PSD2: variants seen among roughly 807,000 people sequenced by gnomAD.
PSD2 encodes the protein PH and SEC7 domain-containing protein 2.
Under a neutral mutation model 69.8 loss-of-function variants are expected in PSD2, and 38 were observed. The ratio of observed to expected loss-of-function variants is 0.54; its 90% CI spans 0.42 to 0.71. PSD2 has a LOEUF of 0.71. Among genes scored for constraint, PSD2 ranks in the 30% least tolerant of loss-of-function variants. PSD2 has a pLI of 0.00. For missense variants in PSD2, 943 were observed against 1,014.5 expected (o/e 0.93, Z 0.96); for synonymous variants, 412 against 423.0 (o/e 0.97, Z 0.32).
chr5:139,821,861 A>T, intron 5 of PSD2, 32 bp from the exon 6 acceptor site: 1 of 1,388,588 alleles, frequency 7.2e-7, no homozygotes, highest in African/African-American at 1.4e-5. Flanking sequence ...GAGGACTCAG[A>T]CTGCCCTCAG....
At chr5:139,793,800 G>A (rs926468879), upstream of PSD2, among the ~76,000 whole-genome samples, 4 of 152,174 alleles carry the variant, frequency 2.6e-5, no homozygotes, top group Admixed American at 6.5e-5. Flanking sequence ...GCATCTGTGT[G>A]CCAGGTCTTG....
the PSD2 span, among the ~76,000 whole-genome samples, chr5:139,758,189 C>T: frequency 1.3e-5 from 2 of 152,064 alleles, no homozygotes; most frequent in Non-Finnish European, 2.9e-5. Flanking sequence ...GCCGGTGGAG[C>T]GTGCTTTCTG....
intron 1 of PSD2, among the ~76,000 whole-genome samples, chr5:139,802,156 GA>G (rs1759689078): frequency 6.7e-6 from 1 of 149,970 alleles, no homozygotes; most frequent in Admixed American, 6.7e-5. Context: ...GAGAGATGAA[GA>G]GACGCTACAT....
chr5:139,767,947 T>C, the PSD2 span, among the ~76,000 whole-genome samples: 1 of 152,198 alleles, frequency 6.6e-6, no homozygotes, highest in Non-Finnish European at 1.5e-5. Flanking sequence ...CAGGATGAGT[T>C]CCAGAGTCCT....
the PSD2 span, among the ~76,000 whole-genome samples, chr5:139,783,971 G>GTTTTTTTTTTTTTTTTTT: frequency 1.0e-5 from 1 of 98,610 alleles, no homozygotes; most frequent in Non-Finnish European, 2.0e-5. Flanking sequence ...TTTAGACAGG[G>GTTTTTTTTTTTTTTTTTT]TCTTGTTCTG....
chr5:139,764,114 G>A, the PSD2 span, among the ~76,000 whole-genome samples: 1 of 152,210 alleles, frequency 6.6e-6, no homozygotes, highest in Non-Finnish European at 1.5e-5. Context: ...GATCCTGCAT[G>A]AGGAGGGCTG....
the PSD2 span, among the ~76,000 whole-genome samples, chr5:139,759,094 A>G: frequency 6.6e-6 from 1 of 152,024 alleles, no homozygotes; most frequent in Non-Finnish European, 1.5e-5. Flanking sequence ...GGGGGCTGAA[A>G]TCTCTGCCCT....
At chr5:139,809,242 C>T (rs1759887347) in intron 1 of PSD2, 149 bp from the exon 2 acceptor site, 2 of 648,080 alleles carry the variant, frequency 3.1e-6, no homozygotes, top group Admixed American at 3.1e-5. Flanking sequence ...GGCCCGAACC[C>T]ACACTCCAGC....
chr5:139,755,095 T>C, the PSD2 span, among the ~76,000 whole-genome samples: 2 of 152,256 alleles, frequency 1.3e-5, no homozygotes. Flanking sequence ...CGAACAAAAC[T>C]GAAATTCTGA....
chr5:139,794,653 G>T (rs1759476961), upstream of PSD2, among the ~76,000 whole-genome samples: 1 of 152,138 alleles, frequency 6.6e-6, no homozygotes, highest in Non-Finnish European at 1.5e-5. Flanking sequence ...GCTGAGGTCT[G>T]GAGATGGAAG....
chr5:139,835,614 C>A, intron 8 of PSD2, 109 bp from the exon 9 acceptor site: 1 of 1,096,546 alleles, frequency 9.1e-7, no homozygotes, highest in Non-Finnish European at 1.4e-6. Context: ...CCCACTTTGC[C>A]CCATTGGCTG....
the PSD2 span, among the ~76,000 whole-genome samples, chr5:139,778,669 G>A: frequency 3.3e-5 from 5 of 151,884 alleles, no homozygotes; most frequent in African/African-American, 4.8e-5. Context: ...GGTGGCTTAC[G>A]CCTGTAATAC....
intron 8 of PSD2, among the ~76,000 whole-genome samples, chr5:139,834,893 CTCAA>C (rs146001236): frequency 1.3e-5 from 2 of 151,924 alleles, no homozygotes; most frequent in East Asian, 3.9e-4. Flanking sequence ...CACCCAGCCA[CTCAA>C]TCATTCACCT....
At position 139,839,354 on chromosome 5, in the gene PSD2, C is replaced by T. The variant is rs1398831101; in HGVS notation, c.1968+582C>T. 2.6e-5 allele frequency among the ~76,000 whole-genome samples: 4 copies of T among 152,248 alleles called. No homozygotes were observed. The highest frequency in any genetic ancestry group is 9.6e-5 in the African/African-American group (4 of 41,460). On this transcript the variant is annotated intron_variant, in intron 13 of 14. Coordinates refer to ENST00000274710, the MANE Select transcript of PSD2 (RefSeq NM_032289.4). This position sits in a 1 kb window ranked among gnomAD's most constrained non-coding sequence, Gnocchi z 5.1. Reference sequence around the variant, plus strand: ...GTCACCCCACTGAGCTCCTGGGCTCCTGCTTCTGCCCAGAACCTTTGTGCA... The same window carrying T: ...GTCACCCCACTGAGCTCCTGGGCTCTTGCTTCTGCCCAGAACCTTTGTGCA...
At chr5:139,842,106 T>G (rs1760883373) in intron 14 of PSD2, among the ~76,000 whole-genome samples, 165 bp from the exon 15 acceptor site, 1 of 152,272 alleles carries the variant, frequency 6.6e-6, no homozygotes, top group Non-Finnish European at 1.5e-5. Context: ...GAATGAAGTT[T>G]ATGTGCATGT....
At chr5:139,805,024 T>C (rs1423956730) in intron 1 of PSD2, among the ~76,000 whole-genome samples, 1 of 151,574 alleles carries the variant, frequency 6.6e-6, no homozygotes, top group East Asian at 1.9e-4. Flanking sequence ...TGTGTGCGTG[T>C]GTGTGTATTG....
rs1760081057 is a variant in PSD2 at position 139,814,942 on chromosome 5, C to T, written c.1016+578C>T. On this transcript the variant is annotated intron_variant, in intron 4 of 14. Transcript: ENST00000274710. This position sits in a 1 kb window ranked among gnomAD's most constrained non-coding sequence, Gnocchi z 4.4. ...AGGAAGTCTGCCGGCACATTCTGCT[C>T]ACATCTGACCACCAGTGTGACCACC... is the stretch of plus-strand genomic sequence containing the variant. Among the ~76,000 whole-genome samples the T allele has an allele frequency of 6.6e-6, 1 of 152,174 alleles. No homozygotes were observed. Among genetic ancestry groups the T allele is most frequent in the African/African-American group, 2.4e-5 (1 of 41,446 alleles).
chr5:139,811,353 G>A (rs986777662), intron 2 of PSD2, among the ~76,000 whole-genome samples: 5 of 152,136 alleles, frequency 3.3e-5, no homozygotes, highest in South Asian at 2.1e-4. Flanking sequence ...GGAGATGTTC[G>A]AGGGGAAGGG....
At chr5:139,754,431 C>T in the PSD2 span, among the ~76,000 whole-genome samples, 1 of 151,940 alleles carries the variant, frequency 6.6e-6, no homozygotes, top group Non-Finnish European at 1.5e-5. Context: ...GGTGTGGTGG[C>T]TCACACCTGT....
Sources: allele counts gnomAD v4.1 joint callset (sites outside exome capture counted in the v4.1 genomes callset), GRCh38; gene constraint gnomAD v4.1.1; non-coding constraint Gnocchi (gnomAD v3.1); transcripts MANE v1.5; gene names NCBI Gene and HGNC (gene_info 2026-07-23, HGNC 2026-07-21).